The following NTM variants were observed in gnomAD, a reference collection of about 807,000 sequenced individuals.
NTM encodes the protein IgLON family member 2.
Under a neutral mutation model 42.1 loss-of-function variants are expected in NTM, and 13 were observed. The observed-to-expected ratio is 0.31, with a 90% confidence interval of 0.20 to 0.49. The LOEUF (loss-of-function observed/expected upper bound fraction) is 0.49. Ranked by LOEUF, NTM falls within the 20% of genes least tolerant of loss-of-function variation. The pLI, the probability that NTM is intolerant of heterozygous loss-of-function variation, is 0.99. For missense variants in NTM, 373 were observed against 452.8 expected (o/e 0.82, Z 1.60); for synonymous variants, 187 against 179.2 (o/e 1.04, Z -0.35).
chr11:132,130,482 A>C (rs758947857), intron 2 of NTM, among the ~76,000 whole-genome samples: 1 of 152,196 alleles, frequency 6.6e-6, no homozygotes, highest in South Asian at 2.1e-4. Context: ...AATTAATACT[A>C]TCTGGTTCTT....
intron 6 of NTM, among the ~76,000 whole-genome samples, chr11:132,310,736 A>G (rs1387283859): frequency 6.6e-6 from 1 of 152,106 alleles, no homozygotes; most frequent in East Asian, 1.9e-4. Flanking sequence ...TTTGTGCCCA[A>G]GTTGTTCTTT....
chr11:131,409,724 A>G (rs1194929568), intron 1 of NTM, among the ~76,000 whole-genome samples: 1 of 152,192 alleles, frequency 6.6e-6, no homozygotes, highest in Admixed American at 6.5e-5. Flanking sequence ...CAAGGCACTG[A>G]CTTCATTTTG....
chr11:131,444,203 C>CAGAAAAAAAAA (rs1949846844), intron 1 of NTM, among the ~76,000 whole-genome samples: 1 of 49,504 alleles, frequency 2.0e-5, no homozygotes, highest in Non-Finnish European at 3.6e-5. Flanking sequence ...AGGTTAGAAC[C>CAGAAAAAAAAA]AAAAAAAAAA....
At chr11:131,531,643 G>A (rs1591957176) in intron 1 of NTM, among the ~76,000 whole-genome samples, 1 of 152,240 alleles carries the variant, frequency 6.6e-6, no homozygotes, top group East Asian at 1.9e-4. Context: ...CTAAACATAA[G>A]CCAACCTGAA....
At chr11:132,137,823 A>G (rs1278510878) in intron 2 of NTM, among the ~76,000 whole-genome samples, 2 of 152,238 alleles carry the variant, frequency 1.3e-5, no homozygotes, top group African/African-American at 4.8e-5. Flanking sequence ...GAACAACAGG[A>G]GGCCAGAGGG....
At chr11:131,569,806 C>T (rs1267240067) in intron 1 of NTM, among the ~76,000 whole-genome samples, 3 of 152,168 alleles carry the variant, frequency 2.0e-5, no homozygotes, top group Admixed American at 2.0e-4. Context: ...GTTTCAAACT[C>T]TTGGCCTCAA....
chr11:132,262,729 A>G (rs2092942890), intron 4 of NTM, among the ~76,000 whole-genome samples: 1 of 152,158 alleles, frequency 6.6e-6, no homozygotes, highest in Non-Finnish European at 1.5e-5. Flanking sequence ...CATCTACTCC[A>G]TAGCATTCTG....
chr11:131,559,622 A>G (rs2055953524), intron 1 of NTM, among the ~76,000 whole-genome samples: 1 of 152,238 alleles, frequency 6.6e-6, no homozygotes, highest in African/African-American at 2.4e-5. Flanking sequence ...ATATAGGTTA[A>G]GACGCTGTAA....
chr11:131,798,153 G>A (rs1048643732), intron 1 of NTM, among the ~76,000 whole-genome samples: 5 of 152,120 alleles, frequency 3.3e-5, no homozygotes, highest in African/African-American at 9.7e-5. Context: ...TGGGTGTCAG[G>A]GTAAAATAAA....
chr11:131,745,639 C>T (rs2081729545), intron 1 of NTM, among the ~76,000 whole-genome samples: 1 of 152,034 alleles, frequency 6.6e-6, no homozygotes, highest in African/African-American at 2.4e-5. Flanking sequence ...GCTCTCGTGG[C>T]CTTAGCCAAG....
At chr11:131,636,612 GC>G (rs2064428629) in intron 1 of NTM, among the ~76,000 whole-genome samples, 1 of 152,110 alleles carries the variant, frequency 6.6e-6, no homozygotes, top group Non-Finnish European at 1.5e-5. Context: ...GCTTGCAGTC[GC>G]CCCTGCAGAC....
chr11:131,654,391 A>G (rs1391563271), intron 1 of NTM, among the ~76,000 whole-genome samples: 3 of 152,024 alleles, frequency 2.0e-5, no homozygotes, highest in African/African-American at 7.2e-5. Context: ...CCTCACGGCC[A>G]CAAGAACCGC....
At chr11:132,138,395 C>G (rs2068372122) in intron 2 of NTM, among the ~76,000 whole-genome samples, 1 of 152,076 alleles carries the variant, frequency 6.6e-6, no homozygotes, top group African/African-American at 2.4e-5. Context: ...ATTTGTCTAA[C>G]AAACAATAAG....
chr11:131,632,041 A>G (rs531031046), intron 1 of NTM, among the ~76,000 whole-genome samples: 7 of 152,332 alleles, frequency 4.6e-5, no homozygotes, highest in African/African-American at 1.7e-4. Context: ...TTATTCTGAA[A>G]CAATTTTTCA....
chr11:132,217,346 C>T (rs1328294668), intron 4 of NTM, among the ~76,000 whole-genome samples: 2 of 145,066 alleles, frequency 1.4e-5, no homozygotes, highest in African/African-American at 5.1e-5. Context: ...CTTTCTCTCT[C>T]TCTCTCTCTT....
chr11:132,220,397 A>G (rs1206298454), intron 4 of NTM, among the ~76,000 whole-genome samples: 1 of 152,226 alleles, frequency 6.6e-6, no homozygotes, highest in Non-Finnish European at 1.5e-5. Context: ...AGTTAGGGTA[A>G]AATTTGCCAG....
rs112608215 is a variant in NTM at position 132,074,139 on chromosome 11, G to A, written c.168-72143G>A. The stretch of plus-strand genomic sequence containing the variant: ...TGGGTTGTTTGGAAAACAATATGCA[G>A]TTCTCAGATGCCTTTCTGTGTTGGA... On this transcript the variant is annotated intron_variant, in intron 2 of 8. Transcript: ENST00000683400. Among the ~76,000 whole-genome samples, 493 of 152,334 alleles carry A rather than the reference G, an allele frequency of 3.2e-3. 3 individuals are homozygous for A. The highest frequency in any genetic ancestry group is 0.011 in the African/African-American group (464 of 41,568).
At chr11:131,932,981 G>T (rs1359079234) in intron 2 of NTM, among the ~76,000 whole-genome samples, 1 of 152,200 alleles carries the variant, frequency 6.6e-6, no homozygotes, top group African/African-American at 2.4e-5. Context: ...ATAGACAGGG[G>T]AGCAGAGCCA....
At chr11:131,611,886 C>T (rs1049303519) in intron 1 of NTM, among the ~76,000 whole-genome samples, 1 of 152,202 alleles carries the variant, frequency 6.6e-6, no homozygotes, top group Non-Finnish European at 1.5e-5. Flanking sequence ...GAAGTAGATT[C>T]TGAAGATTAA....
Sources: gnomAD v4.1 joint callset for allele counts (sites outside exome capture counted in the v4.1 genomes callset) on GRCh38, gnomAD v4.1.1 for gene constraint, MANE v1.5 for transcripts, NCBI Gene and HGNC (gene_info 2026-07-23, HGNC 2026-07-21) for gene names.